Variants in ATAD2B observed in about 807,000 individuals in gnomAD.
ATAD2B encodes ATPase family AAA domain containing 2B.
In ATAD2B, 40 loss-of-function variants were observed where a neutral mutation model predicts 167.6. The ratio of observed to expected loss-of-function variants is 0.24; its 90% CI spans 0.19 to 0.31. The LOEUF (loss-of-function observed/expected upper bound fraction) is 0.31. Ranked by LOEUF, ATAD2B falls within the 10% of genes least tolerant of loss-of-function variation. The pLI is 1.00. For synonymous variants in ATAD2B, 579 were observed against 596.5 expected (o/e 0.97, Z 0.43); for missense variants, 1,242 against 1,757.2 (o/e 0.71, Z 5.24).
At chr2:23,810,137 A>C (rs950414189) in intron 18 of ATAD2B, among the ~76,000 whole-genome samples, 179 bp downstream of exon 18, 6 of 152,178 alleles carry the variant, frequency 3.9e-5, no homozygotes, top group Admixed American at 6.5e-5. Flanking sequence ...CACTTAAAAA[A>C]CTGTATGCAT....
At chr2:23,763,425 T>C (rs532887833) in intron 23 of ATAD2B, among the ~76,000 whole-genome samples, 5 of 152,208 alleles carry the variant, frequency 3.3e-5, no homozygotes, top group African/African-American at 9.6e-5. Context: ...AGTAGATGTA[T>C]AGAATTGTAA....
intron 22 of ATAD2B, among the ~76,000 whole-genome samples, chr2:23,775,981 T>C (rs1558514839): frequency 6.6e-6 from 1 of 152,168 alleles, no homozygotes. Context: ...CTGGGTGTGA[T>C]GGTACACGCC....
chr2:23,739,220 TC>T, the ATAD2B span, among the ~76,000 whole-genome samples: 1 of 152,182 alleles, frequency 6.6e-6, no homozygotes, highest in East Asian at 1.9e-4. Flanking sequence ...TCTACAGAAC[TC>T]TCCACCCCAA....
intron 19 of ATAD2B, among the ~76,000 whole-genome samples, chr2:23,794,189 T>C (rs1340441573): frequency 6.6e-6 from 1 of 152,210 alleles, no homozygotes; most frequent in Non-Finnish European, 1.5e-5. Flanking sequence ...TTTGTATTGT[T>C]TGTAGAGATG....
chr2:23,703,431 G>C, the ATAD2B span: 4 of 1,386,840 alleles, frequency 2.9e-6, no homozygotes, highest in African/African-American at 4.3e-5. Context: ...TCCCTGCCTT[G>C]CTGATTTGTT....
the ATAD2B span, among the ~76,000 whole-genome samples, chr2:23,725,653 C>G: frequency 1.3e-5 from 2 of 152,000 alleles, no homozygotes; most frequent in Non-Finnish European, 2.9e-5. Context: ...AGTCAAGAAG[C>G]TAATAAAGAA....
chr2:23,889,589 C>G (rs1260607118), intron 2 of ATAD2B, among the ~76,000 whole-genome samples: 2 of 152,014 alleles, frequency 1.3e-5, no homozygotes, highest in African/African-American at 2.4e-5. Context: ...TACCCCTGGC[C>G]CAGCAAAGGT....
chr2:23,735,161 C>G, the ATAD2B span, among the ~76,000 whole-genome samples: 2 of 152,204 alleles, frequency 1.3e-5, no homozygotes, highest in African/African-American at 4.8e-5. Context: ...ACCTATACAG[C>G]ATTATCTTCC....
chr2:23,714,074 C>T, the ATAD2B span, among the ~76,000 whole-genome samples: 4 of 152,080 alleles, frequency 2.6e-5, no homozygotes, highest in African/African-American at 7.2e-5. Context: ...CATTACCCCC[C>T]GGTCCAAGTT....
chr2:23,802,015 T>C (rs151227557), intron 18 of ATAD2B, among the ~76,000 whole-genome samples: 152 of 152,056 alleles, frequency 1.0e-3, no homozygotes, highest in African/African-American at 3.1e-3. Flanking sequence ...TAAACCCAAA[T>C]GTGAATGAAG....
At chr2:23,809,549 G>C (rs1410549053) in intron 18 of ATAD2B, among the ~76,000 whole-genome samples, 1 of 152,164 alleles carries the variant, frequency 6.6e-6, no homozygotes, top group Non-Finnish European at 1.5e-5. Flanking sequence ...TACTACTCCA[G>C]TTATTTAACT....
At chr2:23,896,573 A>T (rs1386482010) in intron 1 of ATAD2B, among the ~76,000 whole-genome samples, 2 of 152,002 alleles carry the variant, frequency 1.3e-5, no homozygotes, top group African/African-American at 4.8e-5. Flanking sequence ...AATCCCTCAG[A>T]CCCTCCTAAA....
At chr2:23,681,458 A>G in the ATAD2B span, among the ~76,000 whole-genome samples, 1 of 152,100 alleles carries the variant, frequency 6.6e-6, no homozygotes. This position sits in a 1 kb window ranked among gnomAD's most constrained non-coding sequence, Gnocchi z 4.2. Context: ...CGGGACCTCG[A>G]TTTGAAAGGA....
In ATAD2B at chr2:23,803,313, T is replaced by C. The variant is rs943582566; in HGVS notation, c.2455-4990A>G. On this transcript the variant is annotated intron_variant, in intron 18 of 27. Coordinates refer to ENST00000238789, the MANE Select transcript of ATAD2B (RefSeq NM_017552.4). ...TGAAATGCTCAGTAACATATGTGTG[T>C]ACACACACACACACACACACACACA... 1.5e-4 allele frequency among the ~76,000 whole-genome samples: 22 copies of C among 149,482 alleles called. No homozygotes were observed. The East Asian group carries it at 2.9e-3, about 20-fold the overall frequency.
At chr2:23,792,132 G>A (rs1054460933) in intron 19 of ATAD2B, among the ~76,000 whole-genome samples, 22 of 149,834 alleles carry the variant, frequency 1.5e-4, no homozygotes, top group Non-Finnish European at 2.4e-4. Flanking sequence ...GTGCAATCTC[G>A]GCTCACTGCA....
chr2:23,766,069 T>C (rs1677367601), intron 22 of ATAD2B, among the ~76,000 whole-genome samples: 1 of 152,120 alleles, frequency 6.6e-6, no homozygotes, highest in African/African-American at 2.4e-5. Context: ...TGCTAAAGAA[T>C]ACAATATATT....
chr2:23,781,184 G>A (rs1214199699), intron 22 of ATAD2B, among the ~76,000 whole-genome samples: 1 of 151,586 alleles, frequency 6.6e-6, no homozygotes, highest in Non-Finnish European at 1.5e-5. Context: ...TAGGCCTCAA[G>A]GTACTACAAT....
the ATAD2B span, chr2:23,706,487 G>T: frequency 6.5e-7 from 1 of 1,527,610 alleles, no homozygotes; most frequent in Non-Finnish European, 8.8e-7. Context: ...ACAGTGCTGT[G>T]GTGCTTGATG....
At chr2:23,724,356 G>A in the ATAD2B span, among the ~76,000 whole-genome samples, 2 of 152,064 alleles carry the variant, frequency 1.3e-5, no homozygotes, top group African/African-American at 4.8e-5. Flanking sequence ...TGTATGTGTT[G>A]AAACATCCCC....
Sources: allele counts gnomAD v4.1 joint callset (sites outside exome capture counted in the v4.1 genomes callset), GRCh38; gene constraint gnomAD v4.1.1; non-coding constraint Gnocchi (gnomAD v3.1); transcripts MANE v1.5; gene names NCBI Gene and HGNC (gene_info 2026-07-23, HGNC 2026-07-21).